Variants in RBFOX1 observed in about 807,000 individuals in gnomAD.
The protein encoded by RBFOX1 is RNA binding fox-1 homolog 1, also known as RNA binding protein fox-1 homolog 1.
Under a neutral mutation model 57.7 loss-of-function variants are expected in RBFOX1, and 8 were observed. The ratio of observed to expected loss-of-function variants is 0.14; its 90% confidence interval spans 0.08 to 0.25. The LOEUF (loss-of-function observed/expected upper bound fraction) is 0.25. Ranked by LOEUF, RBFOX1 falls within the 10% of genes least tolerant of loss-of-function variation. The pLI is 1.00. For missense variants in RBFOX1, 611 were observed against 548.5 expected (o/e 1.11, Z -1.14); for synonymous variants, 326 against 222.4 (o/e 1.47, Z -4.15).
At chr16:6,895,418 ATGTG>A (rs139075559) in intron 3 of RBFOX1, among the ~76,000 whole-genome samples, 6,508 of 85,846 alleles carry the variant, frequency 0.076, 443 homozygotes, top group South Asian at 0.12. Flanking sequence ...TTAGTAATAT[ATGTG>A]TGTGTGTGTG....
intron 4 of RBFOX1, among the ~76,000 whole-genome samples, chr16:7,321,305 C>A (rs562021447): frequency 1.3e-5 from 2 of 151,686 alleles, no homozygotes; most frequent in Admixed American, 1.3e-4. Flanking sequence ...CCACCATACC[C>A]GGCTAATTTT....
intron 4 of RBFOX1, among the ~76,000 whole-genome samples, chr16:7,363,388 A>G (rs1205169714): frequency 6.6e-6 from 1 of 152,166 alleles, no homozygotes; most frequent in African/African-American, 2.4e-5. Flanking sequence ...AGCCAATTGC[A>G]TTACCTTGCC....
At chr16:6,271,103 C>T (rs2075155939) in intron 1 of RBFOX1, among the ~76,000 whole-genome samples, 1 of 152,080 alleles carries the variant, frequency 6.6e-6, no homozygotes, top group African/African-American at 2.4e-5. Context: ...AGCTTCAAAT[C>T]ACTAATCTAA....
intron 4 of RBFOX1, among the ~76,000 whole-genome samples, chr16:7,360,144 C>A (rs925626788): frequency 2.0e-5 from 3 of 152,170 alleles, no homozygotes; most frequent in Non-Finnish European, 4.4e-5. Context: ...AACTTTATCT[C>A]ATGTATATAC....
chr16:5,568,593 C>G (rs1028997005), intron 2 of RBFOX1, among the ~76,000 whole-genome samples: 4 of 152,172 alleles, frequency 2.6e-5, no homozygotes, highest in African/African-American at 7.2e-5. Context: ...ACACTCATCA[C>G]TCTGTCTTCT....
At chr16:6,895,434 GTGTGTGTGTGTGTGTATATATA>G (rs2066550657) in intron 3 of RBFOX1, among the ~76,000 whole-genome samples, 1 of 91,664 alleles carries the variant, frequency 1.1e-5, no homozygotes, top group Non-Finnish European at 2.3e-5. Flanking sequence ...GTGTGTGTGT[GTGTGTGTGTGTGTGTATATATA>G]TATATATATA....
Position 5,454,922 on chromosome 16 carries a change from TCTTTCTTCCTTCCTTC to T in RBFOX1, c.220-12290_220-12275del, listed in dbSNP as rs1354926139. 2.0e-3 allele frequency among the ~76,000 whole-genome samples: 113 copies of T among 56,856 alleles called. 4 individuals are homozygous for T. Among genetic ancestry groups the T allele is most frequent in the African/African-American group, 6.6e-3 (105 of 15,808 alleles). The allele number at this position is 56,856 out of a possible 152,430, so 37.3% of individuals were successfully genotyped here. A position where few individuals can be genotyped will look rare whatever the true frequency, so the allele number is the denominator to read the frequency against. The stretch of plus-strand genomic sequence containing the variant: ...TCTTTCTTTCTTTCTTTCCTTTGTT[TCTTTCTTCCTTCCTTC>T]CTTCCTTCCTTCCTTCCTTCCTTTC... On this transcript the variant is annotated intron_variant, in intron 1 of 2. Transcript: ENST00000585867.
In RBFOX1 at chr16:6,195,443, C is replaced by T. The variant is rs565504285; in HGVS notation, c.-126-121552C>T. 7.2e-5 allele frequency among the ~76,000 whole-genome samples: 11 copies of T among 152,246 alleles called. No individual in the cohort carries two copies. In the East Asian group the frequency reaches 1.2e-3, roughly 16 times the overall value. ...CGTTAGGTTTGTAGAATGGGCCGGGCGCAGTGGCTCATGCCTGTAATTCCA... is the reference window on the plus strand; with the variant it reads ...CGTTAGGTTTGTAGAATGGGCCGGGTGCAGTGGCTCATGCCTGTAATTCCA... On this transcript the variant is annotated intron_variant, in intron 1 of 15. Transcript: ENST00000550418.
intron 1 of RBFOX1, among the ~76,000 whole-genome samples, chr16:5,288,631 TC>T (rs1379709941): frequency 7.4e-4 from 4 of 5,428 alleles, no homozygotes; most frequent in Non-Finnish European, 1.6e-3. Context: ...CCTTTCCTTT[TC>T]TTTTTTTTTT....
chr16:5,393,953 A>G (rs75154230), intron 1 of RBFOX1, among the ~76,000 whole-genome samples: 3 of 152,234 alleles, frequency 2.0e-5, no homozygotes, highest in East Asian at 3.9e-4. Flanking sequence ...GGCACCTCAT[A>G]TAAGTGGAAT....
intron 4 of RBFOX1, among the ~76,000 whole-genome samples, chr16:5,897,496 C>T (rs896740944): frequency 2.6e-5 from 4 of 152,124 alleles, no homozygotes; most frequent in African/African-American, 4.8e-5. Context: ...ATGTTATTCT[C>T]GAAAATTGGC....
chr16:5,539,800 T>A (rs1382030119), intron 2 of RBFOX1, among the ~76,000 whole-genome samples: 1 of 152,200 alleles, frequency 6.6e-6, no homozygotes, highest in African/African-American at 2.4e-5. Context: ...TTTTTAAGCA[T>A]TATCATCTTG....
At chr16:5,964,595 A>G (rs929245691) in intron 4 of RBFOX1, among the ~76,000 whole-genome samples, 3 of 152,112 alleles carry the variant, frequency 2.0e-5, no homozygotes, top group African/African-American at 7.2e-5. Flanking sequence ...ATATGCATCT[A>G]TATCTATGTA....
downstream of RBFOX1, among the ~76,000 whole-genome samples, chr16:5,600,838 G>A (rs553093816): frequency 2.6e-3 from 402 of 152,252 alleles, 3 homozygotes; most frequent in Non-Finnish European, 3.1e-3. Context: ...CCACTTTTCA[G>A]TTGACCAAAT....
chr16:7,297,693 G>T (rs1487982967), intron 4 of RBFOX1, among the ~76,000 whole-genome samples: 9 of 152,098 alleles, frequency 5.9e-5, no homozygotes, highest in Admixed American at 5.9e-4. Flanking sequence ...AACAACAGTT[G>T]TAGTAGTAGT....
intron 1 of RBFOX1, among the ~76,000 whole-genome samples, chr16:5,295,528 C>G (rs2063645169): frequency 6.6e-6 from 1 of 152,152 alleles, no homozygotes; most frequent in Non-Finnish European, 1.5e-5. Context: ...TGATCTGCTT[C>G]CAGGCTCATC....
At chr16:7,004,479 C>G (rs1222869932) in intron 3 of RBFOX1, among the ~76,000 whole-genome samples, 1 of 152,050 alleles carries the variant, frequency 6.6e-6, no homozygotes, top group East Asian at 1.9e-4. Context: ...GGAGCCCAGC[C>G]CAGGTTTGGA....
intron 3 of RBFOX1, among the ~76,000 whole-genome samples, chr16:7,018,306 T>C (rs1052394294): frequency 1.3e-5 from 2 of 152,180 alleles, no homozygotes; most frequent in African/African-American, 4.8e-5. Flanking sequence ...GCGAGATGTT[T>C]AGTTTCAGTG....
At chr16:7,149,382 C>A (rs2075679691) in intron 4 of RBFOX1, among the ~76,000 whole-genome samples, 1 of 152,130 alleles carries the variant, frequency 6.6e-6, no homozygotes, top group South Asian at 2.1e-4. Flanking sequence ...CATTGATCCC[C>A]CACTCCATTC....
Sources: allele counts gnomAD v4.1 joint callset (sites outside exome capture counted in the v4.1 genomes callset), GRCh38; gene constraint gnomAD v4.1.1; transcripts MANE v1.5; gene names NCBI Gene and HGNC (gene_info 2026-07-23, HGNC 2026-07-21).